SLC8A1: variants seen among roughly 807,000 people sequenced by gnomAD.
The protein encoded by SLC8A1 is solute carrier family 8 member A1.
SLC8A1 carries 18 observed loss-of-function variants against 68.3 expected under a neutral mutation model. The observed-to-expected ratio is 0.26, with a 90% CI of 0.18 to 0.39. SLC8A1 has a LOEUF of 0.39. Among genes scored for constraint, SLC8A1 ranks in the 10% least tolerant of loss-of-function variants. SLC8A1 has a pLI of 1.00. For missense variants in SLC8A1, 985 were observed against 1,156.7 expected, an observed-to-expected ratio of 0.85 and a Z score of 2.15; for synonymous variants, 475 against 415.5, an observed-to-expected ratio of 1.14 and a Z score of -1.74.
chr2:40,229,628 C>T (rs1281157438), intron 2 of SLC8A1, among the ~76,000 whole-genome samples: 1 of 152,152 alleles, frequency 6.6e-6, no homozygotes, highest in African/African-American at 2.4e-5. Flanking sequence ...ACATCAGTGT[C>T]ATTAATGTGC....
intron 1 of SLC8A1, among the ~76,000 whole-genome samples, chr2:40,445,728 G>C (rs975700218): frequency 6.6e-6 from 1 of 152,168 alleles, no homozygotes; most frequent in Non-Finnish European, 1.5e-5. Context: ...AGGCAGACAG[G>C]GAGGAGTCAG....
intron 1 of SLC8A1, among the ~76,000 whole-genome samples, chr2:40,488,897 GACTT>G (rs1705142277): frequency 6.6e-6 from 1 of 152,074 alleles, no homozygotes; most frequent in African/African-American, 2.4e-5. Flanking sequence ...CAGAGAGAGA[GACTT>G]ACACTGCTAC....
chr2:40,140,219 A>C (rs767124341), intron 6 of SLC8A1, among the ~76,000 whole-genome samples: 10 of 152,186 alleles, frequency 6.6e-5, no homozygotes, highest in Non-Finnish European at 1.5e-4. Flanking sequence ...TTCAAACTCA[A>C]GCCTTGGAAT....
intron 2 of SLC8A1, among the ~76,000 whole-genome samples, chr2:40,299,732 A>G (rs1394996149): frequency 6.6e-6 from 1 of 152,204 alleles, no homozygotes; most frequent in Admixed American, 6.5e-5. Flanking sequence ...AATAGCCTCC[A>G]AAGTGGAAAT....
intron 4 of SLC8A1, among the ~76,000 whole-genome samples, chr2:40,166,182 C>T (rs985758885): frequency 6.6e-6 from 1 of 152,136 alleles, no homozygotes; most frequent in African/African-American, 2.4e-5. Flanking sequence ...AGACCCATGG[C>T]CTCCCCCCTG....
Position 40,473,797 on chromosome 2 carries a change from T to C in SLC8A1, c.-25+38552A>G, listed in dbSNP as rs1704128918. ...ACTTTTCCTTTTACACACCCAGTGGTGGGGAACTCATTTCCTCAAGCAACT... is the reference window on the plus strand; with the variant it reads ...ACTTTTCCTTTTACACACCCAGTGGCGGGGAACTCATTTCCTCAAGCAACT... On this transcript the variant is annotated intron_variant, in intron 1 of 7. Coordinates refer to the SLC8A1 transcript ENST00000402441. Among the ~76,000 whole-genome samples the C allele has an allele frequency of 2.6e-5, 4 of 152,320 alleles. No individual in the cohort carries two copies. In the South Asian group the frequency reaches 8.3e-4, roughly 32 times the overall value.
At chr2:40,194,068 A>G (rs1348604540) in intron 2 of SLC8A1, among the ~76,000 whole-genome samples, 2 of 152,158 alleles carry the variant, frequency 1.3e-5, no homozygotes, top group African/African-American at 4.8e-5. Context: ...AGGTAGTAAA[A>G]TACGAATTCT....
At chr2:40,486,392 G>C (rs1198996372) in intron 1 of SLC8A1, among the ~76,000 whole-genome samples, 1 of 152,162 alleles carries the variant, frequency 6.6e-6, no homozygotes, top group Non-Finnish European at 1.5e-5. Context: ...CTCTGCTTCA[G>C]TATGAATATC....
chr2:40,110,956 G>T (rs2034519198), exon 8 of SLC8A1: 1 of 152,076 alleles, frequency 6.6e-6, no homozygotes, highest in Admixed American at 6.6e-5. Context: ...TTAGGATCAG[G>T]GACCTTTTGC....
At chr2:40,139,575 A>G in exon 7 of SLC8A1, 6 of 1,614,218 alleles carry the variant, frequency 3.7e-6, no homozygotes, top group Non-Finnish European at 4.2e-6. Flanking sequence ...GGGGGGACGA[A>G]GGCAAACAGG....
At chr2:40,367,368 A>T (rs148212933) in intron 2 of SLC8A1, among the ~76,000 whole-genome samples, 1 of 152,048 alleles carries the variant, frequency 6.6e-6, no homozygotes, top group Admixed American at 6.6e-5. Flanking sequence ...TTGTGCTATA[A>T]TATTCTAACA....
At chr2:40,487,561 T>C (rs1233729453) in intron 1 of SLC8A1, among the ~76,000 whole-genome samples, 2 of 152,168 alleles carry the variant, frequency 1.3e-5, no homozygotes, top group African/African-American at 2.4e-5. Flanking sequence ...ACTAATCCTA[T>C]AGTTTTGGAA....
intron 2 of SLC8A1, among the ~76,000 whole-genome samples, chr2:40,278,333 G>A (rs1434185291): frequency 1.3e-5 from 2 of 152,024 alleles, no homozygotes; most frequent in African/African-American, 4.8e-5. Context: ...GCTGGGCATG[G>A]TGGTGCGCAC....
rs563273259 is a variant in SLC8A1, at chr2:40,466,860, T to C, written c.-24-36556A>G. Among the ~76,000 whole-genome samples the C allele has an allele frequency of 6.6e-4, 100 of 151,976 alleles. 1 individual carries two copies. Among genetic ancestry groups the C allele is most frequent in the East Asian group, 9.7e-4 (5 of 5,170 alleles). ...TCACATATTTATGCACCTGAAAAACTATATATGATTACTTGACATCAACTC... is the reference window on the plus strand; with the variant it reads ...TCACATATTTATGCACCTGAAAAACCATATATGATTACTTGACATCAACTC... On this transcript the variant is annotated intron_variant, in intron 1 of 7. Coordinates refer to the SLC8A1 transcript ENST00000402441.
exon 8 of SLC8A1, chr2:40,115,174 T>G: frequency 3.8e-6 from 4 of 1,041,706 alleles, no homozygotes; most frequent in Non-Finnish European, 5.1e-6. Context: ...ATGACAAATG[T>G]CAGTTTCCTC....
At chr2:40,383,932 A>G (rs1215525613) in intron 2 of SLC8A1, among the ~76,000 whole-genome samples, 2 of 152,146 alleles carry the variant, frequency 1.3e-5, no homozygotes, top group Non-Finnish European at 2.9e-5. Flanking sequence ...GTAACAGGGC[A>G]TCTGCGAACT....
At chr2:40,224,258 C>T (rs1468548798) in intron 2 of SLC8A1, among the ~76,000 whole-genome samples, 1 of 151,978 alleles carries the variant, frequency 6.6e-6, no homozygotes, top group African/African-American at 2.4e-5. Flanking sequence ...CTGGGGAGGT[C>T]TGAAAAGACA....
chr2:40,451,420 G>A (rs1040086583), intron 1 of SLC8A1, among the ~76,000 whole-genome samples: 5 of 152,162 alleles, frequency 3.3e-5, no homozygotes, highest in Non-Finnish European at 5.9e-5. Context: ...AAAACAGGGG[G>A]CTCGGAAATG....
intron 1 of SLC8A1, among the ~76,000 whole-genome samples, chr2:40,464,541 A>T (rs1311472698): frequency 6.6e-6 from 1 of 152,196 alleles, no homozygotes; most frequent in Non-Finnish European, 1.5e-5. Context: ...AGAAGGGGAG[A>T]CTGGCATCTG....
Sources: gnomAD v4.1 joint callset for allele counts (sites outside exome capture counted in the v4.1 genomes callset) on GRCh38, gnomAD v4.1.1 for gene constraint, MANE v1.5 for transcripts, NCBI Gene and HGNC (gene_info 2026-07-23, HGNC 2026-07-21) for gene names.